RBM41: variants seen among roughly 807,000 people sequenced by gnomAD.
RBM41 encodes RNA binding motif protein 41.
Under a neutral mutation model 30.8 loss-of-function variants are expected in RBM41, and 14 were observed. The observed-to-expected ratio is 0.45, with a 90% CI of 0.30 to 0.71. The LOEUF is 0.71. RBM41 is among the 30% of genes least tolerant of loss of function. The pLI, the probability that RBM41 is intolerant of heterozygous loss-of-function variation, is 0.08. For missense variants in RBM41, 276 were observed against 326.3 expected (o/e 0.85, Z 1.19); for synonymous variants, 120 against 110.1 (o/e 1.09, Z -0.56).
Position 107,067,488 on chromosome X carries a change from TC to T in RBM41, c.*38del, listed in dbSNP as rs1031776971. ...TAAATCCTAGATCCAAGATTCCAAT[TC>T]AAGAAAGACCATCCAGGACCCACAA... On this transcript the variant is annotated 3_prime_UTR_variant, in exon 8 of 8. Coordinates refer to ENST00000685964, the MANE Select transcript of RBM41 (RefSeq NM_001324242.2). 1 of 1,132,491 alleles carries T rather than the reference TC, an allele frequency of 8.8e-7. No individual in the cohort carries two copies. The highest frequency in any genetic ancestry group is 2.5e-5 in the Admixed American group (1 of 39,493). The allele number at this position is 1,132,491 out of a possible 1,213,427, so 93.3% of individuals were successfully genotyped here. A position where few individuals can be genotyped will look rare whatever the true frequency, so the allele number is the denominator to read the frequency against.
intron 6 of RBM41, among the ~76,000 whole-genome samples, chrX:107,079,575 C>T (rs1259510184): frequency 8.9e-6 from 1 of 111,965 alleles, no homozygotes; most frequent in Non-Finnish European, 1.9e-5. Flanking sequence ...GGTTGTTTTA[C>T]AGTTAGACTC....
chrX:107,090,293 G>A (rs757160467), intron 5 of RBM41, among the ~76,000 whole-genome samples: 1 of 111,333 alleles, frequency 9.0e-6, no homozygotes, highest in Non-Finnish European at 1.9e-5. Flanking sequence ...AGAATTGCTT[G>A]AACCTGGGAA....
At chrX:107,103,205 A>C (rs967105626) in intron 5 of RBM41, among the ~76,000 whole-genome samples, 3 of 111,304 alleles carry the variant, frequency 2.7e-5, no homozygotes, top group Admixed American at 1.9e-4. Context: ...ATACCTCTAA[A>C]ATTCATGTCC....
chrX:107,118,694 A>G (rs890483345), intron 1 of RBM41, 72 bp downstream of exon 1: 2 of 1,184,362 alleles, frequency 1.7e-6, no homozygotes, highest in Admixed American at 2.2e-5. Context: ...CCAGAAAGCA[A>G]TGGAAGCCAT....
rs752857038 is a variant in RBM41, at chrX:107,065,952, G to A, written c.*1575C>T. ...TGTGTGTAGATTCAGATTACTGTCT[G>A]TGGTCACTTGCTTTCAGGCTGAAGA... On this transcript the variant is annotated 3_prime_UTR_variant, in exon 8 of 8. Transcript: ENST00000685964. Among the ~76,000 whole-genome samples the A allele has an allele frequency of 2.3e-4, 26 of 111,813 alleles. No individual in the cohort carries two copies. Among genetic ancestry groups the A allele is most frequent in the African/African-American group, 8.4e-4 (26 of 30,817 alleles).
At chrX:107,080,720 C>A (rs891734738) in intron 6 of RBM41, among the ~76,000 whole-genome samples, 2 of 112,407 alleles carry the variant, frequency 1.8e-5, no homozygotes, top group South Asian at 7.4e-4. Flanking sequence ...TGGACTTTAG[C>A]GATTCGAGTA....
At position 107,065,789 on chromosome X, in the gene RBM41, C is replaced by A; in HGVS notation, c.*1738G>T. On this transcript the variant is annotated 3_prime_UTR_variant, in exon 8 of 8. Coordinates refer to ENST00000685964, the MANE Select transcript of RBM41 (RefSeq NM_001324242.2). The stretch of plus-strand genomic sequence containing the variant: ...ATCGGCAAATATATTATATTTTATA[C>A]GTTATAGGCCAAACGATGCAACTAT... 8.8e-7 allele frequency: 1 copy of A among 1,131,846 alleles called. No homozygotes were observed. Among genetic ancestry groups the A allele is most frequent in the Non-Finnish European group, 1.2e-6 (1 of 855,089 alleles). The allele number at this position is 1,131,846 out of a possible 1,213,427, so 93.3% of individuals were successfully genotyped here. A position where few individuals can be genotyped will look rare whatever the true frequency, so the allele number is the denominator to read the frequency against.
chrX:107,069,531 T>C, intron 6 of RBM41, 129 bp from the exon 7 acceptor site: 1 of 761,064 alleles, frequency 1.3e-6, no homozygotes, highest in Non-Finnish European at 1.8e-6. Context: ...CTCTGCTCAC[T>C]GCAACCTTGG....
At chrX:107,058,924 C>T (rs2147848305), downstream of RBM41, among the ~76,000 whole-genome samples, 1 of 110,902 alleles carries the variant, frequency 9.0e-6, no homozygotes, top group African/African-American at 3.3e-5. Context: ...GATCCCCTTA[C>T]CTACCAGATG....
chrX:107,084,520 AT>A (rs1055203953), intron 6 of RBM41, among the ~76,000 whole-genome samples: 1 of 110,314 alleles, frequency 9.1e-6, no homozygotes, highest in African/African-American at 3.3e-5. Context: ...GAAACAAGAG[AT>A]TTTTTTTTCT....
At chrX:107,069,614 C>T in intron 6 of RBM41, 1 of 297,146 alleles carries the variant, frequency 3.4e-6, no homozygotes, top group Non-Finnish European at 5.7e-6. Flanking sequence ...GCCACCACAC[C>T]TGGCTAATTT....
rs550493274 is a variant in RBM41, at chrX:107,087,613, A to G, written c.999+823T>C. On this transcript the variant is annotated intron_variant, in intron 6 of 7. Transcript: ENST00000685964. ...ACGTTATTTAGTTACGTATTGGACAATTTTTTTTGAGACGAAGTCTCGGTT... is the reference window on the plus strand; with the variant it reads ...ACGTTATTTAGTTACGTATTGGACAGTTTTTTTTGAGACGAAGTCTCGGTT... Among the ~76,000 whole-genome samples the G allele has an allele frequency of 1.9e-4, 21 of 110,601 alleles. 1 individual carries two copies. Among genetic ancestry groups the G allele is most frequent in the African/African-American group, 6.5e-4 (20 of 30,770 alleles).
intron 5 of RBM41, among the ~76,000 whole-genome samples, chrX:107,105,677 C>T (rs1431682627): frequency 7.2e-5 from 8 of 111,092 alleles, no homozygotes; most frequent in South Asian, 3.8e-4. Flanking sequence ...GAGATATAGA[C>T]CAATGGAACA....
intron 6 of RBM41, among the ~76,000 whole-genome samples, chrX:107,081,143 G>A (rs187396876): frequency 9.0e-6 from 1 of 111,224 alleles, no homozygotes; most frequent in Non-Finnish European, 1.9e-5. Context: ...AAGTTTTATC[G>A]TATTGTGCTT....
chrX:107,069,481 G>A (rs994894885), intron 6 of RBM41, 79 bp from the exon 7 acceptor site: 1 of 1,040,640 alleles, frequency 9.6e-7, no homozygotes, highest in Non-Finnish European at 1.3e-6. Flanking sequence ...TTGAGACAAA[G>A]TCTCACTCTG....
At chrX:107,060,335 CAATGTGATA>C (rs2073587221), downstream of RBM41, among the ~76,000 whole-genome samples, 2 of 109,751 alleles carry the variant, frequency 1.8e-5, no homozygotes. Flanking sequence ...TCAATGTGAT[CAATGTGATA>C]GTATTAAGTG....
downstream of RBM41, among the ~76,000 whole-genome samples, chrX:107,060,141 G>T (rs1488795720): frequency 9.1e-6 from 1 of 109,634 alleles, no homozygotes; most frequent in Admixed American, 9.8e-5. Context: ...ACAAAACAAT[G>T]ACAATATTAG....
intron 5 of RBM41, among the ~76,000 whole-genome samples, chrX:107,099,608 T>C (rs771046419): frequency 4.8e-4 from 53 of 110,525 alleles, no homozygotes; most frequent in Non-Finnish European, 8.5e-4. Flanking sequence ...CCAACATCAC[T>C]AGTTATCAAG....
intron 6 of RBM41, among the ~76,000 whole-genome samples, chrX:107,082,618 A>G (rs368481705): frequency 9.0e-6 from 1 of 111,192 alleles, no homozygotes; most frequent in East Asian, 2.8e-4. Flanking sequence ...GACTGTAAAA[A>G]ATGAGTATTA....
Sources: gnomAD v4.1 joint callset for allele counts (sites outside exome capture counted in the v4.1 genomes callset) on GRCh38, gnomAD v4.1.1 for gene constraint, MANE v1.5 for transcripts, NCBI Gene and HGNC (gene_info 2026-07-23, HGNC 2026-07-21) for gene names.